Variants in FAP observed in about 807,000 individuals in gnomAD.
FAP encodes the protein fibroblast activation protein alpha.
In FAP, 110 loss-of-function variants were observed where a neutral mutation model predicts 126.5. That is an observed-to-expected ratio of 0.87 (90% CI 0.74 to 1.02). FAP has a LOEUF of 1.02. FAP is among the 50% of genes least tolerant of loss of function. The probability of loss-of-function intolerance (pLI) is 0.00; values close to 1 mark genes in which losing one functional copy is unlikely to be tolerated. For synonymous variants in FAP, 334 were observed against 297.3 expected, an observed-to-expected ratio of 1.12 and a Z score of -1.27; for missense variants, 919 against 909.2, an observed-to-expected ratio of 1.01 and a Z score of -0.14.
intron 12 of FAP, among the ~76,000 whole-genome samples, chr2:162,203,716 C>T (rs546619949): frequency 9.9e-5 from 15 of 152,148 alleles, no homozygotes; most frequent in Non-Finnish European, 1.5e-4. Context: ...CACAGGAAGC[C>T]GACTGCAGAC....
chr2:162,175,099 A>G, intron 21 of FAP, 133 bp from the exon 22 acceptor site: 2 of 595,816 alleles, frequency 3.4e-6, no homozygotes, highest in Non-Finnish European at 3.0e-6. Flanking sequence ...TTACATGTCT[A>G]TCTTGCATCC....
intron 11 of FAP, among the ~76,000 whole-genome samples, chr2:162,213,204 C>T (rs962640109): frequency 7.9e-5 from 12 of 151,690 alleles, no homozygotes; most frequent in African/African-American, 1.7e-4. Flanking sequence ...GGTGAAACCC[C>T]GTGTCTACTA....
chr2:162,215,379 C>A (rs1689122434), intron 10 of FAP, among the ~76,000 whole-genome samples: 1 of 152,228 alleles, frequency 6.6e-6, no homozygotes, highest in Admixed American at 6.5e-5. Flanking sequence ...GTCAGACAAT[C>A]AGACATAGGG....
At position 162,237,377 on chromosome 2, in the gene FAP, G is replaced by C. The variant is rs552135910; in HGVS notation, c.91+5531C>G. 1.8e-3 allele frequency among the ~76,000 whole-genome samples: 267 copies of C among 150,214 alleles called. 2 individuals carry two copies. The highest frequency in any genetic ancestry group is 6.5e-3 in the African/African-American group (263 of 40,658). On this transcript the variant is annotated intron_variant, in intron 2 of 25. Transcript: ENST00000188790. ...AATGCTATCCCTCCCCTAGTCCCCC[G>C]ACCCCCCAACAGGCCCTGTGTGTGA...
chr2:162,223,987 C>G (rs1689524453), intron 5 of FAP, among the ~76,000 whole-genome samples: 1 of 152,008 alleles, frequency 6.6e-6, no homozygotes, highest in Non-Finnish European at 1.5e-5. Flanking sequence ...TCATGTTTTA[C>G]CTGTATTGAA....
intron 17 of FAP, among the ~76,000 whole-genome samples, chr2:162,190,311 T>C (rs1687993570): frequency 1.3e-5 from 2 of 152,188 alleles, no homozygotes; most frequent in African/African-American, 2.4e-5. Context: ...TTTTTGGTAA[T>C]TGAATTAGTT....
At chr2:162,209,709 C>G in intron 12 of FAP, 1 of 461,880 alleles carries the variant, frequency 2.2e-6, no homozygotes, top group Non-Finnish European at 3.8e-6. Flanking sequence ...ACCAAGGATT[C>G]AGTTGACAAA....
chr2:162,216,847 G>A (rs543185419), intron 9 of FAP, among the ~76,000 whole-genome samples: 53 of 152,250 alleles, frequency 3.5e-4, no homozygotes, highest in African/African-American at 8.9e-4. Flanking sequence ...ATGGTCTCAC[G>A]TCTCCACCTA....
chr2:162,208,032 CG>C (rs1456721383), intron 12 of FAP, among the ~76,000 whole-genome samples: 1 of 151,464 alleles, frequency 6.6e-6, no homozygotes, highest in Non-Finnish European at 1.5e-5. Flanking sequence ...CCGAGGCAGG[CG>C]GATCACGAGG....
rs923079926 is a variant in FAP, at chr2:162,228,915, C to A, written c.92-2294G>T. ...ACTATTCATAGTGGAACTTATTTTC[C>A]ACTTGAGACACATTTAGTTTGTGCC... On this transcript the variant is annotated intron_variant, in intron 2 of 25. Coordinates refer to ENST00000188790, the MANE Select transcript of FAP (RefSeq NM_004460.5). Among the ~76,000 whole-genome samples, 4 of 151,996 alleles carry A rather than the reference C, an allele frequency of 2.6e-5. No individual in the cohort carries two copies. The East Asian group carries it at 7.7e-4, about 29-fold the overall frequency.
chr2:162,196,441 T>C (rs563469738), intron 16 of FAP, among the ~76,000 whole-genome samples: 22 of 151,914 alleles, frequency 1.4e-4, no homozygotes, highest in Admixed American at 3.3e-4. Flanking sequence ...AATATAAATT[T>C]CTAGACTCTA....
chr2:162,240,193 C>T (rs1259064121), intron 2 of FAP, among the ~76,000 whole-genome samples: 1 of 152,172 alleles, frequency 6.6e-6, no homozygotes. Flanking sequence ...GGTAGAAATT[C>T]ATGTGTGCTT....
chr2:162,226,418 A>G (rs1689648955), intron 3 of FAP, 105 bp downstream of exon 3: 1 of 562,990 alleles, frequency 1.8e-6, no homozygotes, highest in Non-Finnish European at 3.1e-6. Context: ...CTTTTTGTAC[A>G]TTTCAACTGA....
chr2:162,235,524 C>T (rs993052909), intron 2 of FAP, among the ~76,000 whole-genome samples: 6 of 152,220 alleles, frequency 3.9e-5, no homozygotes, highest in Admixed American at 3.3e-4. Context: ...CACCCATTGA[C>T]ACTCTGTATC....
At chr2:162,233,563 GTTAT>G (rs1272455374) in intron 2 of FAP, among the ~76,000 whole-genome samples, 1 of 151,914 alleles carries the variant, frequency 6.6e-6, no homozygotes, top group African/African-American at 2.4e-5. Flanking sequence ...TTTTAATGGA[GTTAT>G]TTATCTTTTT....
At position 162,217,965 on chromosome 2, in the gene FAP, C is replaced by A. The variant is rs777786569; in HGVS notation, c.762+21G>T. On this transcript the variant is annotated intron_variant, in intron 9 of 25. Coordinates refer to ENST00000188790, the MANE Select transcript of FAP (RefSeq NM_004460.5). ...TTTGATACCAGGAAAATGAAAGCAT[C>A]GCTGAAAGTATTCAACATACCTTTG... 5 of 1,522,798 alleles carry A rather than the reference C, an allele frequency of 3.3e-6. No homozygotes were observed. The African/African-American group carries it at 4.2e-5, about 13-fold the overall frequency. 94.3% of individuals were successfully genotyped at this position (1,522,798 alleles called of 1,614,324 possible).
rs1225419653 is a variant in FAP, at chr2:162,188,204, A to C, written c.1779T>G (p.Gly593=). 1 of 1,613,128 alleles carries C rather than the reference A, an allele frequency of 6.2e-7. No individual in the cohort carries two copies. The highest frequency in any genetic ancestry group is 8.5e-7 in the Non-Finnish European group (1 of 1,179,348). ...KLLYAVYRKL[G]VYEVEDQITA... Reference sequence around the variant, plus strand: ...TAATCTGGTCTTCAACTTCATAAACACCCAGCTTTCGATACACTGCATAGA... The same window carrying C: ...TAATCTGGTCTTCAACTTCATAAACCCCCAGCTTTCGATACACTGCATAGA... Residue 593 remains glycine, a synonymous_variant, in exon 20 of 26, where the codon GGT becomes GGG. Transcript: ENST00000188790.
intron 25 of FAP, chr2:162,171,435 G>T (rs745761819): frequency 1.7e-5 from 3 of 176,298 alleles, no homozygotes; most frequent in Non-Finnish European, 3.7e-5. Flanking sequence ...AAAACAAAGG[G>T]GTTGGAGTTG....
intron 2 of FAP, among the ~76,000 whole-genome samples, chr2:162,239,035 A>T (rs911177664): frequency 2.6e-5 from 4 of 152,174 alleles, no homozygotes; most frequent in Non-Finnish European, 4.4e-5. Context: ...TAGAATCACA[A>T]TTACATATGT....
Sources: allele counts gnomAD v4.1 joint callset (sites outside exome capture counted in the v4.1 genomes callset), GRCh38; gene constraint gnomAD v4.1.1; transcripts MANE v1.5; gene names NCBI Gene and HGNC (gene_info 2026-07-23, HGNC 2026-07-21).